The following CCDC102B variants were observed in gnomAD, a reference collection of about 807,000 sequenced individuals.
CCDC102B encodes the protein coiled-coil domain containing 102B.
In CCDC102B, 75 loss-of-function variants were observed where a neutral mutation model predicts 57.4. The observed-to-expected ratio is 1.31, with a 90% CI of 1.08 to 1.58. CCDC102B has a LOEUF of 1.58. Ranked by LOEUF, CCDC102B falls within the 40% of genes most tolerant of loss-of-function variation. The pLI is 0.00. For missense variants in CCDC102B, 636 were observed against 582.6 expected (o/e 1.09, Z -0.94); for synonymous variants, 206 against 201.9 (o/e 1.02, Z -0.17).
At chr18:68,722,315 G>A (rs1251530398) in intron 2 of CCDC102B, among the ~76,000 whole-genome samples, 1 of 152,168 alleles carries the variant, frequency 6.6e-6, no homozygotes, top group Non-Finnish European at 1.5e-5. Context: ...TCGTTAAATG[G>A]TCAACTGAAG....
At chr18:68,915,344 C>T (rs1380817284) in intron 6 of CCDC102B, among the ~76,000 whole-genome samples, 1 of 152,168 alleles carries the variant, frequency 6.6e-6, no homozygotes, top group Non-Finnish European at 1.5e-5. Context: ...AAAAATAATT[C>T]TACTTTAAGC....
At chr18:68,912,296 C>G (rs2040903794) in intron 6 of CCDC102B, among the ~76,000 whole-genome samples, 1 of 152,218 alleles carries the variant, frequency 6.6e-6, no homozygotes, top group Admixed American at 6.5e-5. Context: ...TCTGTAAGTA[C>G]TGTTTTAGAC....
intron 2 of CCDC102B, among the ~76,000 whole-genome samples, chr18:68,722,728 G>C (rs1030932115): frequency 6.6e-6 from 1 of 152,122 alleles, no homozygotes; most frequent in East Asian, 1.9e-4. Context: ...GGAAGCGAGA[G>C]AAATACAAAC....
chr18:68,806,047 A>G (rs2036022918), intron 1 of CCDC102B, among the ~76,000 whole-genome samples: 1 of 150,446 alleles, frequency 6.6e-6, no homozygotes, highest in East Asian at 1.9e-4. Flanking sequence ...ACAGCAGATT[A>G]CAAGCCCATA....
chr18:68,742,055 G>A (rs1325399370), intron 2 of CCDC102B, among the ~76,000 whole-genome samples: 1 of 152,204 alleles, frequency 6.6e-6, no homozygotes, highest in Non-Finnish European at 1.5e-5. Context: ...TGGAACAAGT[G>A]ACTACAAACT....
chr18:68,876,212 T>G (rs746632569), intron 5 of CCDC102B, among the ~76,000 whole-genome samples: 4 of 152,168 alleles, frequency 2.6e-5, no homozygotes, highest in Non-Finnish European at 5.9e-5. Context: ...TATTTAATCT[T>G]TAGTTCTGCG....
At chr18:68,979,038 G>C (rs1340587086) in intron 6 of CCDC102B, among the ~76,000 whole-genome samples, 1 of 152,004 alleles carries the variant, frequency 6.6e-6, no homozygotes, top group Non-Finnish European at 1.5e-5. Context: ...GGAATGACAA[G>C]AGTCAGACTA....
chr18:68,906,510 T>C (rs1050861504), intron 6 of CCDC102B, among the ~76,000 whole-genome samples: 14 of 152,198 alleles, frequency 9.2e-5, no homozygotes, highest in Non-Finnish European at 1.9e-4. Flanking sequence ...TTGTTTTGTT[T>C]TGTTTTTTAT....
chr18:68,889,245 A>T (rs2039991105), intron 5 of CCDC102B, among the ~76,000 whole-genome samples: 1 of 152,126 alleles, frequency 6.6e-6, no homozygotes, highest in African/African-American at 2.4e-5. Context: ...TTAGGATTGG[A>T]TGAGTATCCT....
chr18:68,907,108 A>G (rs1303013247), intron 6 of CCDC102B, among the ~76,000 whole-genome samples: 1 of 152,146 alleles, frequency 6.6e-6, no homozygotes, highest in Non-Finnish European at 1.5e-5. Context: ...TCAAAAATCA[A>G]TTATCCATAT....
At chr18:68,756,408 T>C (rs2034052903) in intron 2 of CCDC102B, among the ~76,000 whole-genome samples, 1 of 152,156 alleles carries the variant, frequency 6.6e-6, no homozygotes, top group South Asian at 2.1e-4. Flanking sequence ...AGGAAGAGAT[T>C]CAATAACTCT....
intron 7 of CCDC102B, among the ~76,000 whole-genome samples, chr18:69,019,766 T>A (rs2051774530): frequency 6.6e-6 from 1 of 152,128 alleles, no homozygotes; most frequent in Admixed American, 6.5e-5. Context: ...CTATGTTGAA[T>A]AGAAATGACG....
chr18:68,895,978 T>TA (rs1278417195), intron 5 of CCDC102B, among the ~76,000 whole-genome samples: 3 of 151,984 alleles, frequency 2.0e-5, no homozygotes, highest in Non-Finnish European at 4.4e-5. Flanking sequence ...CTTTAAGTGT[T>TA]ACATTGCTAG....
chr18:68,837,308 A>C lies in CCDC102B; in HGVS notation c.545A>C (p.Glu182Ala), dbSNP rs777947024. The C allele has an allele frequency of 6.2e-7, 1 of 1,613,750 alleles. No homozygotes were observed. The highest frequency in any genetic ancestry group is 1.1e-5 in the South Asian group (1 of 91,020). Residue 182 changes from glutamate (E) to alanine (A), a missense_variant, in exon 2 of 8, where the codon GAG becomes GCG. Physicochemically the swap from Glu to Ala is moderately radical, Grantham distance 107. Coordinates refer to ENST00000360242, the MANE Select transcript of CCDC102B (RefSeq NM_024781.3). Reference protein sequence around the residue: ...DQFQLSSQMHESIREYLVKRQ... With the variant: ...DQFQLSSQMHASIREYLVKRQ... ...TTTCAATTGAGTTCACAAATGCATG[A>C]GTCTATCAGAGAGTATTTGGTAAAA...
At chr18:68,731,429 C>T (rs514173) in intron 2 of CCDC102B, among the ~76,000 whole-genome samples, 151,141 of 152,204 alleles carry the variant, frequency 0.99, 75,049 homozygotes, top group Middle Eastern at 1. Context: ...TTGCACACTC[C>T]CTTATCCTTT....
chr18:68,868,934 G>A (rs1257998735), intron 4 of CCDC102B, among the ~76,000 whole-genome samples: 1 of 152,110 alleles, frequency 6.6e-6, no homozygotes, highest in Non-Finnish European at 1.5e-5. Flanking sequence ...TATGTGGATA[G>A]CTGAGAAATA....
chr18:68,938,096 G>C (rs548972204), intron 6 of CCDC102B, among the ~76,000 whole-genome samples: 1 of 151,986 alleles, frequency 6.6e-6, no homozygotes, highest in Non-Finnish European at 1.5e-5. Context: ...CAGAAAAAAG[G>C]TCTCAACTCA....
chr18:68,994,367 T>G (rs148409763), intron 6 of CCDC102B, among the ~76,000 whole-genome samples: 1 of 152,294 alleles, frequency 6.6e-6, no homozygotes, highest in African/African-American at 2.4e-5. Flanking sequence ...AGGGAGTATG[T>G]TCCCTTTTCA....
intron 3 of CCDC102B, among the ~76,000 whole-genome samples, chr18:68,845,244 A>T (rs901907397): frequency 6.6e-6 from 1 of 151,882 alleles, no homozygotes; most frequent in East Asian, 1.9e-4. Context: ...TGTAAATGAC[A>T]TTCAATATTG....
Sources: allele counts gnomAD v4.1 joint callset (sites outside exome capture counted in the v4.1 genomes callset), GRCh38; gene constraint gnomAD v4.1.1; transcripts MANE v1.5; gene names NCBI Gene and HGNC (gene_info 2026-07-23, HGNC 2026-07-21).